Variants in STK39 observed in about 807,000 individuals in gnomAD.
STK39 encodes the protein STE20/SPS1-related proline-alanine-rich protein kinase.
A neutral mutation model predicts 77.8 loss-of-function variants in STK39; 20 were observed. The observed-to-expected ratio is 0.26, with a 90% CI of 0.18 to 0.37. The LOEUF (loss-of-function observed/expected upper bound fraction) is 0.37. STK39 is among the 10% of genes least tolerant of loss of function. The pLI, the probability that STK39 is intolerant of heterozygous loss-of-function variation, is 1.00. For synonymous variants in STK39, 246 were observed against 234.1 expected, an observed-to-expected ratio of 1.05 and a Z score of -0.47; for missense variants, 479 against 656.5, an observed-to-expected ratio of 0.73 and a Z score of 2.95.
intron 15 of STK39, among the ~76,000 whole-genome samples, chr2:168,015,798 T>C (rs1239775343): frequency 2.6e-5 from 4 of 152,226 alleles, no homozygotes; most frequent in African/African-American, 7.2e-5. Context: ...TCAATATTTT[T>C]ATATTATGAC....
At chr2:168,112,118 G>GAA (rs112516694) in intron 10 of STK39, among the ~76,000 whole-genome samples, 5 of 133,402 alleles carry the variant, frequency 3.7e-5, no homozygotes, top group East Asian at 2.2e-4. Context: ...AACATTTAAA[G>GAA]AAAAAAAAAA....
intron 16 of STK39, among the ~76,000 whole-genome samples, chr2:167,993,733 A>C (rs955979881): frequency 6.6e-5 from 10 of 152,190 alleles, no homozygotes; most frequent in African/African-American, 2.4e-4. Flanking sequence ...AAACCACTCT[A>C]ATTGAAAGTG....
At chr2:167,971,501 C>G (rs1386722487) in intron 16 of STK39, among the ~76,000 whole-genome samples, 1 of 152,082 alleles carries the variant, frequency 6.6e-6, no homozygotes, top group Admixed American at 6.5e-5. Flanking sequence ...CAAGGGAACC[C>G]AAGAGAAAAG....
intron 16 of STK39, among the ~76,000 whole-genome samples, chr2:167,978,905 A>G (rs1683346825): frequency 1.3e-5 from 2 of 152,172 alleles, no homozygotes; most frequent in African/African-American, 4.8e-5. Context: ...CTCACATATC[A>G]TAATTATTTT....
intron 1 of STK39, among the ~76,000 whole-genome samples, chr2:168,187,973 T>C (rs762828075): frequency 2.6e-5 from 4 of 152,082 alleles, no homozygotes; most frequent in Non-Finnish European, 5.9e-5. Context: ...AAGCACAAAG[T>C]TGGAACTTTA....
intron 10 of STK39, among the ~76,000 whole-genome samples, chr2:168,096,566 G>A (rs1245158773): frequency 6.6e-6 from 1 of 152,178 alleles, no homozygotes; most frequent in Non-Finnish European, 1.5e-5. Flanking sequence ...CTCAGGGAAT[G>A]AATCCCTGTG....
intron 1 of STK39, among the ~76,000 whole-genome samples, chr2:168,233,567 T>G (rs116121709): frequency 0.014 from 2,151 of 152,350 alleles, 38 homozygotes; most frequent in African/African-American, 0.044. Context: ...CTTTGTGATC[T>G]GTAACTTAGG....
intron 1 of STK39, among the ~76,000 whole-genome samples, chr2:168,191,248 A>C (rs989927534): frequency 2.0e-5 from 3 of 152,220 alleles, no homozygotes; most frequent in African/African-American, 7.2e-5. Flanking sequence ...ATACCCAGTT[A>C]GGGGGAAAAG....
intron 2 of STK39, among the ~76,000 whole-genome samples, chr2:168,167,950 T>A (rs534813614): frequency 6.6e-6 from 1 of 152,170 alleles, no homozygotes; most frequent in Non-Finnish European, 1.5e-5. Context: ...CCACAGTAGA[T>A]ATTCCATTAA....
At chr2:168,091,715 T>C (rs1004084533) in intron 10 of STK39, among the ~76,000 whole-genome samples, 6 of 152,158 alleles carry the variant, frequency 3.9e-5, no homozygotes, top group African/African-American at 1.4e-4. Context: ...TGTTCATAAA[T>C]GCATAAGGTG....
At chr2:168,221,648 T>C (rs1257272515) in intron 1 of STK39, among the ~76,000 whole-genome samples, 1 of 152,138 alleles carries the variant, frequency 6.6e-6, no homozygotes. Context: ...GAACGATTAG[T>C]TACCACACCT....
chr2:168,108,363 C>T (rs968291274), intron 10 of STK39, among the ~76,000 whole-genome samples: 1 of 152,016 alleles, frequency 6.6e-6, no homozygotes, highest in Non-Finnish European at 1.5e-5. Context: ...GCCTGGGCAA[C>T]ATGGCGAAAC....
intron 16 of STK39, among the ~76,000 whole-genome samples, chr2:167,967,734 C>T (rs1206110553): frequency 6.6e-6 from 1 of 152,176 alleles, no homozygotes; most frequent in Non-Finnish European, 1.5e-5. Context: ...GTCAGGCATT[C>T]TCCAGACACT....
chr2:168,180,107 G>A (rs1482671209), intron 2 of STK39, among the ~76,000 whole-genome samples: 3 of 152,200 alleles, frequency 2.0e-5, no homozygotes, highest in Admixed American at 6.5e-5. Context: ...AGCACTGTGG[G>A]AGGCCGAGGC....
At chr2:168,110,045 G>A (rs868028520) in intron 10 of STK39, among the ~76,000 whole-genome samples, 1 of 152,066 alleles carries the variant, frequency 6.6e-6, no homozygotes, top group African/African-American at 2.4e-5. Context: ...ATTTCAATGC[G>A]TGTCACTTTA....
chr2:168,178,242 G>A (rs1689000912), intron 2 of STK39, among the ~76,000 whole-genome samples: 1 of 152,126 alleles, frequency 6.6e-6, no homozygotes, highest in South Asian at 2.1e-4. Context: ...ATCTATGTTG[G>A]CACAGTAAGG....
At chr2:168,235,120 C>T (rs1230892597) in intron 1 of STK39, among the ~76,000 whole-genome samples, 2 of 151,882 alleles carry the variant, frequency 1.3e-5, no homozygotes, top group Non-Finnish European at 2.9e-5. Flanking sequence ...TCACTGCAAC[C>T]ACCGCTTCTC....
chr2:168,003,849 A>G (rs1440294752), intron 16 of STK39, among the ~76,000 whole-genome samples: 1 of 152,250 alleles, frequency 6.6e-6, no homozygotes, highest in Non-Finnish European at 1.5e-5. Context: ...CACTATTTTA[A>G]TAATGAATGC....
intron 10 of STK39, among the ~76,000 whole-genome samples, chr2:168,102,929 CAAAAAAAAAAAAAAAAAA>C (rs35442749): frequency 4.0e-5 from 2 of 50,084 alleles, no homozygotes; most frequent in African/African-American, 7.1e-5. Flanking sequence ...GAATCCGTCT[CAAAAAAAAAAAAAAAAAA>C]AAAAAAAAAT....
Sources: allele counts gnomAD v4.1 joint callset (sites outside exome capture counted in the v4.1 genomes callset), GRCh38; gene constraint gnomAD v4.1.1; transcripts MANE v1.5; gene names NCBI Gene and HGNC (gene_info 2026-07-23, HGNC 2026-07-21).